Variants in PP2D1 observed in about 807,000 individuals in gnomAD.
The protein encoded by PP2D1 is protein phosphatase 2C-like domain-containing protein 1.
PP2D1 carries 25 observed loss-of-function variants against 30.2 expected under a neutral mutation model. The ratio of observed to expected loss-of-function variants is 0.83; its 90% CI spans 0.60 to 1.16. The LOEUF is 1.16. Among genes scored for constraint, PP2D1 ranks in the 50% most tolerant of loss-of-function variants. The pLI, the probability that PP2D1 is intolerant of heterozygous loss-of-function variation, is 0.00. For missense variants in PP2D1, 760 were observed against 742.4 expected (o/e 1.02, Z -0.28); for synonymous variants, 260 against 258.9 (o/e 1.00, Z -0.04).
At position 20,002,055 on chromosome 3, in the gene PP2D1, G is replaced by A; in HGVS notation, c.65C>T (p.Thr22Ile). ...KSREWNMKTS[T>I]FDSDEDILLL... ...TAGAATATCCTCATCTGAATCAAAT[G>A]TTGATGTTTTCATATTCCATTCTCT... is the stretch of plus-strand genomic sequence containing the variant. Residue 22 changes from threonine (T) to isoleucine (I), a missense_variant, in exon 2 of 3, where the codon ACA becomes ATA. This residue lies in a region of PP2D1 where 374 missense variants were observed against 388.8 expected (regional missense o/e 0.96). Coordinates refer to ENST00000389050, the MANE Select transcript of PP2D1 (RefSeq NM_001252657.2). The A allele has an allele frequency of 6.5e-7, 1 of 1,534,094 alleles. No homozygotes were observed. Among genetic ancestry groups the A allele is most frequent in the South Asian group, 1.2e-5 (1 of 84,030 alleles).
chr3:19,992,962 G>A (rs561727866), intron 2 of PP2D1, among the ~76,000 whole-genome samples: 2 of 152,116 alleles, frequency 1.3e-5, no homozygotes, highest in Non-Finnish European at 2.9e-5. Flanking sequence ...GAGGCTAGGG[G>A]TTCCAGGCTG....
At chr3:19,984,633 T>C (rs1173692195), downstream of PP2D1, 1 of 162,708 alleles carries the variant, frequency 6.1e-6, no homozygotes, top group Non-Finnish European at 1.3e-5. Flanking sequence ...TTTGTTCCCT[T>C]TTGACATAAT....
intron 1 of PP2D1, among the ~76,000 whole-genome samples, chr3:20,010,940 T>C (rs1408426147): frequency 6.6e-6 from 1 of 152,182 alleles, no homozygotes; most frequent in Non-Finnish European, 1.5e-5. Flanking sequence ...AAGTTTGCAG[T>C]GCTGTCCATA....
chr3:19,986,042 C>CT lies in PP2D1; in HGVS notation c.1230dup (p.Glu411ArgfsTer35). The CT allele has an allele frequency of 6.5e-7, 1 of 1,536,096 alleles. No individual in the cohort carries two copies. On this transcript the variant is annotated frameshift_variant, in exon 3 of 3. Coordinates refer to ENST00000389050, the MANE Select transcript of PP2D1 (RefSeq NM_001252657.2). LOFTEE classifies it low-confidence loss of function (END_TRUNC). ...CCTCGTGTAGTTTTTACTTGCCCCT[C>CT]TACAAGCCCGTATGGTTCATTTGAA...
chr3:19,991,809 A>G, intron 2 of PP2D1, among the ~76,000 whole-genome samples: 1 of 152,188 alleles, frequency 6.6e-6, no homozygotes. Context: ...GCTATTCAAA[A>G]GAAATTGAGG....
intron 2 of PP2D1, among the ~76,000 whole-genome samples, chr3:19,990,365 C>A (rs575872204): frequency 2.6e-5 from 4 of 152,206 alleles, no homozygotes; most frequent in African/African-American, 9.6e-5. Context: ...GGGCTGGTCT[C>A]AAACTCCTGG....
intron 2 of PP2D1, among the ~76,000 whole-genome samples, chr3:19,996,013 C>A (rs755319389): frequency 6.6e-6 from 1 of 151,828 alleles, no homozygotes; most frequent in African/African-American, 2.4e-5. Context: ...AAATAAACAA[C>A]GTAACAATGC....
chr3:19,981,186 A>G (rs1465468498), downstream of PP2D1, among the ~76,000 whole-genome samples: 1 of 152,220 alleles, frequency 6.6e-6, no homozygotes, highest in Non-Finnish European at 1.5e-5. Context: ...AAAACAAACT[A>G]CAGCAATCTC....
chr3:19,986,218 C>T, intron 2 of PP2D1, 36 bp from the exon 3 acceptor site: 1 of 1,368,210 alleles, frequency 7.3e-7, no homozygotes, highest in Non-Finnish European at 9.6e-7. Context: ...AAATTTTTAT[C>T]CTAGAGATAA....
downstream of PP2D1, chr3:19,983,917 A>G: frequency 1.2e-6 from 1 of 820,166 alleles, no homozygotes; most frequent in Non-Finnish European, 2.0e-6. Context: ...ATGACTTCCA[A>G]AAGAAGAGAC....
At position 20,007,927 on chromosome 3, in the gene PP2D1, C is replaced by A. The variant is rs561620916; in HGVS notation, c.23+4123G>T. 2.7e-4 allele frequency: 61 copies of A among 223,350 alleles called. No homozygotes were observed. The Middle Eastern group carries it at 9.1e-3, about 33-fold the overall frequency. The allele number at this position is 223,350 out of a possible 1,614,324, so 13.8% of individuals were successfully genotyped here. On this transcript the variant is annotated intron_variant, in intron 1 of 2. Coordinates refer to ENST00000389050, the MANE Select transcript of PP2D1 (RefSeq NM_001252657.2). Reference sequence around the variant, plus strand: ...GCAGGGGTCATGGAATCACCAGTCCCCTTTCTGCCAGATGTGGCGCTGCCA... The same window carrying A: ...GCAGGGGTCATGGAATCACCAGTCCACTTTCTGCCAGATGTGGCGCTGCCA...
intron 1 of PP2D1, 39 bp downstream of exon 1, chr3:20,012,011 G>A: frequency 6.9e-7 from 1 of 1,450,278 alleles, no homozygotes. Flanking sequence ...TTACTCATTG[G>A]CTATACGTAT....
chr3:20,000,094 C>A (rs1014660001), intron 2 of PP2D1, among the ~76,000 whole-genome samples: 1 of 152,196 alleles, frequency 6.6e-6, no homozygotes, highest in Non-Finnish European at 1.5e-5. Flanking sequence ...GGAGGCCCAG[C>A]CTCCTCAGGC....
chr3:19,990,733 A>C (rs962245883), intron 2 of PP2D1, among the ~76,000 whole-genome samples: 2 of 151,034 alleles, frequency 1.3e-5, no homozygotes, highest in Middle Eastern at 3.2e-3. Flanking sequence ...GTTTCCATGA[A>C]GATGGGAAAT....
intron 2 of PP2D1, among the ~76,000 whole-genome samples, chr3:19,997,353 G>A (rs539458010): frequency 6.0e-5 from 9 of 151,164 alleles, no homozygotes; most frequent in Admixed American, 2.0e-4. Flanking sequence ...ATCTCTTCAT[G>A]ATAAAAATTC....
At position 20,001,468 on chromosome 3, in the gene PP2D1, A is replaced by C; in HGVS notation, c.652T>G (p.Leu218Val). 2 of 1,536,306 alleles carry C rather than the reference A, an allele frequency of 1.3e-6. No individual in the cohort carries two copies. Among genetic ancestry groups the C allele is most frequent in the South Asian group, 1.2e-5 (1 of 84,056 alleles). ...AAAACTGGGAGTTCCATTGATGTCA[A>C]CTCTGCCGCTGAGGCACCGTGATGT... Reference protein sequence around the residue: ...DGHHGASAAELTSMELPVLLL... With the variant: ...DGHHGASAAEVTSMELPVLLL... Residue 218 changes from leucine (L) to valine (V), a missense_variant, in exon 2 of 3, where the codon TTG (leucine) becomes GTG (valine). Coordinates refer to ENST00000389050, the MANE Select transcript of PP2D1 (RefSeq NM_001252657.2).
Position 20,001,762 on chromosome 3 carries a change from A to T in PP2D1, c.358T>A (p.Ser120Thr). The change falls in exon 2 of 3, where the codon TCT becomes ACT. Residue 120 changes from serine (S) to threonine (T), a missense_variant. Ser to Thr is a moderately conservative substitution (Grantham distance 58). Coordinates refer to ENST00000389050, the MANE Select transcript of PP2D1 (RefSeq NM_001252657.2). ...RQFMISKLLS[S>T]FMFTEKTLQS... ...AGGGTTTTTTCAGTGAACATAAAAG[A>T]TGACAATAGTTTAGAAATCATGAAC... 6.5e-7 allele frequency: 1 copy of T among 1,532,802 alleles called. No individual in the cohort carries two copies. The allele number at this position is 1,532,802 out of a possible 1,614,324, so 95.0% of individuals were successfully genotyped here. A position where few individuals can be genotyped will look rare whatever the true frequency, so the allele number is the denominator to read the frequency against.
At chr3:19,988,322 A>G (rs1697069942) in intron 2 of PP2D1, among the ~76,000 whole-genome samples, 1 of 152,208 alleles carries the variant, frequency 6.6e-6, no homozygotes, top group South Asian at 2.1e-4. Flanking sequence ...GGTCTCTGAA[A>G]TGGCCTCTCT....
At chr3:19,997,754 C>T (rs2125142464) in intron 2 of PP2D1, among the ~76,000 whole-genome samples, 1 of 152,246 alleles carries the variant, frequency 6.6e-6, no homozygotes, top group Non-Finnish European at 1.5e-5. Flanking sequence ...GTGAAATAAG[C>T]CAGACCAGAA....
Sources: allele counts gnomAD v4.1 joint callset (sites outside exome capture counted in the v4.1 genomes callset), GRCh38; gene constraint gnomAD v4.1.1; regional missense constraint gnomAD v4.1.1; transcripts MANE v1.5; gene names NCBI Gene and HGNC (gene_info 2026-07-23, HGNC 2026-07-21).